Variants in TANK observed in about 807,000 individuals in gnomAD.
TANK encodes TRAF family member associated NFKB activator.
Under a neutral mutation model 43.6 loss-of-function variants are expected in TANK, and 15 were observed. The observed-to-expected ratio is 0.34, with a 90% confidence interval of 0.23 to 0.53. The LOEUF is 0.53. TANK is among the 20% of genes least tolerant of loss of function. TANK has a pLI of 0.94. For synonymous variants in TANK, 162 were observed against 178.2 expected (o/e 0.91, Z 0.73); for missense variants, 417 against 498.6 (o/e 0.84, Z 1.56).
intron 4 of TANK, chr2:161,207,424 A>T (rs1238710290): frequency 1.0e-6 from 1 of 980,754 alleles, no homozygotes; most frequent in Non-Finnish European, 1.2e-6. Flanking sequence ...TTTCTTTGTA[A>T]CCATTTAATA....
At position 161,177,846 on chromosome 2, in the gene TANK, C is replaced by T. The variant is rs1685236664; in HGVS notation, c.-49-1768C>T. 2.0e-5 allele frequency among the ~76,000 whole-genome samples: 3 copies of T among 152,060 alleles called. No homozygotes were observed. In the South Asian group the frequency reaches 6.2e-4, roughly 32 times the overall value. ...TTTAACAATAAAAAGAGAAATAACC[C>T]ATTTATTACAAGTGGACACAGGATT... On this transcript the variant is annotated intron_variant, in intron 1 of 7. Coordinates refer to ENST00000392749, the MANE Select transcript of TANK (RefSeq NM_001199135.3).
intron 1 of TANK, chr2:161,161,617 G>C (rs1249787672): frequency 1.3e-6 from 1 of 788,950 alleles, no homozygotes; most frequent in East Asian, 2.8e-5. Flanking sequence ...ATGAGATTAT[G>C]CATACTGTTC....
intron 1 of TANK, among the ~76,000 whole-genome samples, chr2:161,150,379 G>A (rs879582865): frequency 1.5e-4 from 22 of 150,828 alleles, no homozygotes; most frequent in Non-Finnish European, 3.1e-4. Flanking sequence ...TTTTCTTATC[G>A]ATTTAAAGTT....
chr2:161,225,716 G>A (rs1687580847), intron 6 of TANK, among the ~76,000 whole-genome samples: 1 of 152,174 alleles, frequency 6.6e-6, no homozygotes, highest in Non-Finnish European at 1.5e-5. Flanking sequence ...CACTCTGAGA[G>A]ATGTTGCAGT....
At chr2:161,138,783 C>G (rs1683659954) in intron 1 of TANK, among the ~76,000 whole-genome samples, 1 of 152,166 alleles carries the variant, frequency 6.6e-6, no homozygotes, top group Admixed American at 6.5e-5. Context: ...AAATAAAGCT[C>G]CCCTGAAAAA....
chr2:161,160,381 G>A (rs1482455149), upstream of TANK: 10 of 1,224,538 alleles, frequency 8.2e-6, no homozygotes, highest in Non-Finnish European at 1.0e-5. Context: ...TCCGCGCGCA[G>A]GCACTGCCCT....
At chr2:161,142,608 A>G (rs1306499275) in intron 1 of TANK, among the ~76,000 whole-genome samples, 2 of 151,860 alleles carry the variant, frequency 1.3e-5, no homozygotes, top group African/African-American at 4.8e-5. Context: ...TTTTTGTCCC[A>G]TTTGTCAAAG....
intron 4 of TANK, chr2:161,207,400 TTCA>T (rs1179370653): frequency 1.0e-6 from 1 of 975,214 alleles, no homozygotes; most frequent in Non-Finnish European, 1.2e-6. Flanking sequence ...CTTTGAATAG[TTCA>T]TCAACTCAAT....
chr2:161,179,828 C>G, intron 2 of TANK, 67 bp downstream of exon 2: 1 of 1,524,132 alleles, frequency 6.6e-7, no homozygotes, highest in Non-Finnish European at 8.9e-7. Context: ...CCTTTTGCAT[C>G]TGAAAAATGT....
At chr2:161,196,164 A>G (rs75106421) in intron 2 of TANK, among the ~76,000 whole-genome samples, 17,424 of 152,164 alleles carry the variant, frequency 0.11, 1,727 homozygotes, top group African/African-American at 0.26. Context: ...AAAGATGGTT[A>G]CAGCTTTCTG....
At chr2:161,211,853 A>G (rs1686903651) in intron 4 of TANK, 4 of 985,354 alleles carry the variant, frequency 4.1e-6, no homozygotes, top group Non-Finnish European at 4.8e-6. Flanking sequence ...TTGCAGTCCA[A>G]AGCAAATGTA....
chr2:161,200,334 T>G, intron 2 of TANK: 4 of 984,336 alleles, frequency 4.1e-6, no homozygotes, highest in Non-Finnish European at 4.8e-6. Context: ...TGTGCAACAA[T>G]AATCTGACCT....
intron 2 of TANK, chr2:161,180,101 C>T: frequency 9.9e-7 from 1 of 1,007,856 alleles, no homozygotes; most frequent in South Asian, 4.6e-5. Flanking sequence ...ATCACTGTCT[C>T]CATTTGTTTG....
rs3835941 is a variant in TANK, at chr2:161,235,731, C to CAA, written c.*220_*221dup. 1.8e-5 allele frequency: 7 copies of CAA among 382,458 alleles called. No homozygotes were observed. The South Asian group carries it at 2.4e-4, about 13-fold the overall frequency. The allele number at this position is 382,458 out of a possible 1,614,324, so 23.7% of individuals were successfully genotyped here. A position where few individuals can be genotyped will look rare whatever the true frequency, so the allele number is the denominator to read the frequency against. On this transcript the variant is annotated 3_prime_UTR_variant, in exon 8 of 8. Coordinates refer to ENST00000392749, the MANE Select transcript of TANK (RefSeq NM_001199135.3). ...AGAAATAAGCCTAAAAGAAGAAAAA[C>CAA]AAAAAAAATTCTGTATAAAACTGTA...
At chr2:161,201,730 T>C (rs1046684004) in intron 2 of TANK, among the ~76,000 whole-genome samples, 4 of 152,132 alleles carry the variant, frequency 2.6e-5, no homozygotes, top group African/African-American at 9.7e-5. Context: ...GCTGTAGATT[T>C]TTGGATCCTT....
intron 4 of TANK, among the ~76,000 whole-genome samples, chr2:161,214,066 C>T (rs1191629848): frequency 6.6e-6 from 1 of 152,124 alleles, no homozygotes; most frequent in South Asian, 2.1e-4. Flanking sequence ...TCACTGATTG[C>T]ATCAGAAAAA....
At chr2:161,229,333 T>C (rs981518488) in intron 6 of TANK, among the ~76,000 whole-genome samples, 1 of 152,196 alleles carries the variant, frequency 6.6e-6, no homozygotes, top group African/African-American at 2.4e-5. Context: ...TTTTCTGAGA[T>C]CTGAGGGGCT....
At chr2:161,180,186 T>C (rs1372813007) in intron 2 of TANK, 1 of 841,474 alleles carries the variant, frequency 1.2e-6, no homozygotes, top group Admixed American at 6.2e-5. Flanking sequence ...AGAACTAAAT[T>C]TGGTATTAAT....
At chr2:161,140,226 T>C (rs1387839452) in intron 1 of TANK, among the ~76,000 whole-genome samples, 1 of 152,168 alleles carries the variant, frequency 6.6e-6, no homozygotes, top group African/African-American at 2.4e-5. Flanking sequence ...TCCATAATAC[T>C]GTTGGGCCTT....
Sources: gnomAD v4.1 joint callset for allele counts (sites outside exome capture counted in the v4.1 genomes callset) on GRCh38, gnomAD v4.1.1 for gene constraint, MANE v1.5 for transcripts, NCBI Gene and HGNC (gene_info 2026-07-23, HGNC 2026-07-21) for gene names.